Variants in SMCHD1 observed in about 807,000 individuals in gnomAD.
SMCHD1 encodes structural maintenance of chromosomes flexible hinge domain-containing protein 1.
SMCHD1 carries 78 observed loss-of-function variants against 254.7 expected under a neutral mutation model. That is an observed-to-expected ratio of 0.31 (90% CI 0.26 to 0.37). The LOEUF is 0.37. SMCHD1 is among the 10% of genes least tolerant of loss of function. SMCHD1 has a pLI of 1.00. For missense variants in SMCHD1, 1,840 were observed against 2,408.1 expected (o/e 0.76, Z 4.94); for synonymous variants, 766 against 794.9 (o/e 0.96, Z 0.61).
chr18:2,739,616 T>C, intron 27 of SMCHD1, 96 bp downstream of exon 27: 1 of 894,212 alleles, frequency 1.1e-6, no homozygotes, highest in South Asian at 1.6e-5. Context: ...AAAGGAAAGC[T>C]TTTGGGTTCA....
rs1376912129 is a variant in SMCHD1, at chr18:2,662,184, T to TA, written c.187-3970dup. ...CCGTCTCAAAAAAAAAAAAATAAAA[T>TA]AAATAAATAAATAAATAAAGAAAGA... On this transcript the variant is annotated intron_variant, in intron 1 of 47. Coordinates refer to ENST00000320876, the MANE Select transcript of SMCHD1 (RefSeq NM_015295.3). 2.1e-4 allele frequency among the ~76,000 whole-genome samples: 18 copies of TA among 83,966 alleles called. 1 individual carries two copies. The South Asian group carries it at 3.0e-3, about 14-fold the overall frequency. The allele number at this position is 83,966 out of a possible 152,430, so 55.1% of individuals were successfully genotyped here.
chr18:2,760,300 A>G (rs1341140288), intron 34 of SMCHD1: 1 of 168,910 alleles, frequency 5.9e-6, no homozygotes, highest in Admixed American at 6.2e-5. Flanking sequence ...ATTTTGAAAT[A>G]CAAAACTGTC....
chr18:2,705,540 A>C (rs2074493580), intron 13 of SMCHD1, among the ~76,000 whole-genome samples, 154 bp from the exon 14 acceptor site: 1 of 152,118 alleles, frequency 6.6e-6, no homozygotes, highest in Admixed American at 6.5e-5. Context: ...TTTTATTTTA[A>C]TATTAGAATG....
intron 44 of SMCHD1, among the ~76,000 whole-genome samples, chr18:2,781,059 G>A (rs1486298697): frequency 2.0e-5 from 3 of 152,208 alleles, no homozygotes; most frequent in Non-Finnish European, 1.5e-5. Context: ...TTGAACTTAA[G>A]CATTGATTTT....
intron 41 of SMCHD1, among the ~76,000 whole-genome samples, chr18:2,773,859 G>A (rs903617150): frequency 1.3e-5 from 2 of 152,128 alleles, no homozygotes; most frequent in Non-Finnish European, 2.9e-5. Context: ...GGAAGCGGAG[G>A]TTGCAGTGAG....
chr18:2,724,770 G>T, intron 20 of SMCHD1, 129 bp from the exon 21 acceptor site: 1 of 439,148 alleles, frequency 2.3e-6, no homozygotes, highest in Non-Finnish European at 4.0e-6. Context: ...TTTCTGTTTA[G>T]TTTTTTATAT....
chr18:2,665,712 G>A (rs2073417117), intron 1 of SMCHD1, among the ~76,000 whole-genome samples: 1 of 152,082 alleles, frequency 6.6e-6, no homozygotes, highest in Non-Finnish European at 1.5e-5. Context: ...TCTTCCCTCC[G>A]TGCTATAAAA....
At chr18:2,757,093 C>CGTG (rs1181332499) in intron 34 of SMCHD1, among the ~76,000 whole-genome samples, 4 of 152,178 alleles carry the variant, frequency 2.6e-5, no homozygotes, top group Admixed American at 2.6e-4. Flanking sequence ...TGGTCACACA[C>CGTG]ACAAAACATG....
At chr18:2,723,391 T>G (rs1447978456) in intron 20 of SMCHD1, among the ~76,000 whole-genome samples, 1 of 152,014 alleles carries the variant, frequency 6.6e-6, no homozygotes, top group African/African-American at 2.4e-5. Flanking sequence ...AGTAGGAGAC[T>G]GGAATGCAGG....
intron 17 of SMCHD1, among the ~76,000 whole-genome samples, chr18:2,713,892 G>A (rs886581442): frequency 3.3e-5 from 5 of 152,184 alleles, no homozygotes; most frequent in Non-Finnish European, 7.3e-5. Context: ...GTGGCCTAAT[G>A]TATGGCCTTT....
intron 25 of SMCHD1, among the ~76,000 whole-genome samples, chr18:2,733,989 C>G (rs1395201870): frequency 6.6e-6 from 1 of 152,204 alleles, no homozygotes; most frequent in Non-Finnish European, 1.5e-5. Context: ...AGGAGTTGCT[C>G]TTCCATACCG....
At chr18:2,747,687 G>T in intron 30 of SMCHD1, 40 bp downstream of exon 30, 2 of 1,441,330 alleles carry the variant, frequency 1.4e-6, no homozygotes, top group South Asian at 1.4e-5. Flanking sequence ...TTAAAATTCT[G>T]GATTTCATTT....
At chr18:2,705,885 C>T (rs958371392) in intron 14 of SMCHD1, 78 bp downstream of exon 14, 24 of 800,544 alleles carry the variant, frequency 3.0e-5, no homozygotes, top group Admixed American at 5.1e-5. Context: ...CAGTATATTT[C>T]GCTAGTGACT....
intron 45 of SMCHD1, among the ~76,000 whole-genome samples, chr18:2,786,574 C>T (rs561793727): frequency 6.6e-6 from 1 of 152,096 alleles, no homozygotes; most frequent in African/African-American, 2.4e-5. Context: ...TGCCTGTTGT[C>T]CCAGCTACTC....
At chr18:2,698,065 T>C in intron 10 of SMCHD1, 24 bp downstream of exon 10, 2 of 1,551,328 alleles carry the variant, frequency 1.3e-6, no homozygotes, top group Non-Finnish European at 1.8e-6. Flanking sequence ...TTATCTTAGT[T>C]ATAAAATATG....
chr18:2,711,261 T>TC (rs907788172), intron 17 of SMCHD1, among the ~76,000 whole-genome samples: 17 of 133,526 alleles, frequency 1.3e-4, no homozygotes, highest in Non-Finnish European at 2.2e-4. Context: ...CCACCATGGC[T>TC]CCCTTTTTTT....
intron 12 of SMCHD1, among the ~76,000 whole-genome samples, chr18:2,702,885 T>C (rs1404979164): frequency 6.6e-6 from 1 of 152,232 alleles, no homozygotes; most frequent in Non-Finnish European, 1.5e-5. Context: ...CTTTACAGAC[T>C]GTCCTCTGCG....
chr18:2,756,318 G>C (rs1186567473), intron 34 of SMCHD1, among the ~76,000 whole-genome samples: 1 of 152,066 alleles, frequency 6.6e-6, no homozygotes, highest in Non-Finnish European at 1.5e-5. Flanking sequence ...AAATTAACCT[G>C]CATTTTCTTT....
intron 5 of SMCHD1, among the ~76,000 whole-genome samples, 166 bp from the exon 6 acceptor site, chr18:2,688,228 T>C (rs1329807702): frequency 6.6e-6 from 1 of 152,244 alleles, no homozygotes; most frequent in East Asian, 1.9e-4. Context: ...GGGACTACAC[T>C]TTGAGATGCA....
Sources: gnomAD v4.1 joint callset for allele counts (sites outside exome capture counted in the v4.1 genomes callset) on GRCh38, gnomAD v4.1.1 for gene constraint, MANE v1.5 for transcripts, NCBI Gene and HGNC (gene_info 2026-07-23, HGNC 2026-07-21) for gene names.